Variants in GRIP1 observed in about 807,000 individuals in gnomAD.
GRIP1 encodes the protein glutamate receptor-interacting protein 1.
GRIP1 carries 45 observed loss-of-function variants against 129.9 expected under a neutral mutation model. The observed-to-expected ratio is 0.35, with a 90% confidence interval of 0.27 to 0.44. The LOEUF (loss-of-function observed/expected upper bound fraction) is 0.44. Ranked by LOEUF, GRIP1 falls within the 20% of genes least tolerant of loss-of-function variation. The probability of loss-of-function intolerance (pLI) is 1.00; values close to 1 mark genes in which losing one functional copy is unlikely to be tolerated. For synonymous variants in GRIP1, 530 were observed against 520.8 expected (o/e 1.02, Z -0.24); for missense variants, 1,196 against 1,396.8 (o/e 0.86, Z 2.29).
intron 16 of GRIP1, among the ~76,000 whole-genome samples, chr12:66,401,686 C>T (rs1225327847): frequency 6.8e-6 from 1 of 146,838 alleles, no homozygotes; most frequent in Non-Finnish European, 1.5e-5. Context: ...CTTAAAACAG[C>T]CATGTAAAGT....
At chr12:66,717,886 A>G (rs188617216) in intron 1 of GRIP1, among the ~76,000 whole-genome samples, 1 of 152,156 alleles carries the variant, frequency 6.6e-6, no homozygotes, top group Admixed American at 6.6e-5. Context: ...GGACTACAAG[A>G]TAACAAAATC....
chr12:66,374,398 G>A (rs1367634614), intron 22 of GRIP1, among the ~76,000 whole-genome samples: 1 of 151,966 alleles, frequency 6.6e-6, no homozygotes, highest in Non-Finnish European at 1.5e-5. Flanking sequence ...ACATTGGCCA[G>A]GCTGGTCTCA....
intron 1 of GRIP1, among the ~76,000 whole-genome samples, chr12:66,904,796 G>T (rs1211956053): frequency 1.3e-5 from 2 of 152,040 alleles, no homozygotes; most frequent in East Asian, 3.9e-4. Context: ...GGGGGCTGAG[G>T]CAGGAGAATC....
intron 1 of GRIP1, among the ~76,000 whole-genome samples, chr12:66,803,246 A>T (rs12315589): frequency 0.062 from 9,499 of 152,252 alleles, 1,008 homozygotes; most frequent in African/African-American, 0.22. Flanking sequence ...TTAGCTTTTT[A>T]AAAATGTAGA....
rs1274019672 is a variant in GRIP1, at chr12:66,575,259, C to G, written c.136+21588G>C. Among the ~76,000 whole-genome samples the G allele has an allele frequency of 3.3e-5, 5 of 152,234 alleles. No homozygotes were observed. The South Asian group carries it at 1.0e-3, about 32-fold the overall frequency. On this transcript the variant is annotated intron_variant, in intron 2 of 24. Coordinates refer to ENST00000359742, the MANE Select transcript of GRIP1 (RefSeq NM_001366722.1). ...TCAGATTAGGATGATTCTAAAAATT[C>G]ACCACCTTTTATGAGTAGCAAGCAC...
At chr12:66,546,296 C>G (rs527982201) in intron 2 of GRIP1, among the ~76,000 whole-genome samples, 2 of 151,370 alleles carry the variant, frequency 1.3e-5, no homozygotes, top group African/African-American at 4.8e-5. Flanking sequence ...TCAAGAGCAG[C>G]AACACAGTGA....
chr12:66,897,064 T>C (rs12580112), intron 1 of GRIP1, among the ~76,000 whole-genome samples: 46,784 of 152,016 alleles, frequency 0.31, 8,105 homozygotes, highest in East Asian at 0.41. Context: ...TGCTCCTGGG[T>C]ATGTTGCTTA....
At chr12:66,979,595 T>C (rs73133603) in intron 1 of GRIP1, among the ~76,000 whole-genome samples, 13,337 of 152,204 alleles carry the variant, frequency 0.088, 825 homozygotes, top group Non-Finnish European at 0.13. Flanking sequence ...CACTATGTTA[T>C]GGGTTAAGTT....
intron 1 of GRIP1, among the ~76,000 whole-genome samples, chr12:67,018,262 T>C (rs2042817019): frequency 6.6e-6 from 1 of 152,156 alleles, no homozygotes; most frequent in African/African-American, 2.4e-5. Flanking sequence ...GATCTCCCTC[T>C]CTGCCTCCAG....
rs111228915 is a variant in GRIP1, at chr12:66,742,637, TA to T, written c.-420+61415del. Reference sequence around the variant, plus strand: ...TACACTCATTTACTCAGAAAAATGTTAAAAAAAAAAGTGCATTGCAAAGTTG... The same window carrying T: ...TACACTCATTTACTCAGAAAAATGTTAAAAAAAAAGTGCATTGCAAAGTTG... On this transcript the variant is annotated intron_variant, in intron 1 of 4. Coordinates refer to the GRIP1 transcript ENST00000538373. Among the ~76,000 whole-genome samples the T allele has an allele frequency of 4.8e-3, 708 of 148,252 alleles. 6 individuals carry two copies. The highest frequency in any genetic ancestry group is 0.013 in the African/African-American group (545 of 40,470).
chr12:66,907,395 C>T (rs915289955), intron 1 of GRIP1, among the ~76,000 whole-genome samples: 2 of 152,224 alleles, frequency 1.3e-5, no homozygotes, highest in East Asian at 1.9e-4. Flanking sequence ...GGCCTCTGCT[C>T]ATATGTATTT....
At chr12:66,796,169 A>C (rs2038691665) in intron 1 of GRIP1, among the ~76,000 whole-genome samples, 1 of 152,094 alleles carries the variant, frequency 6.6e-6, no homozygotes, top group Non-Finnish European at 1.5e-5. Context: ...AGTCCTGCAA[A>C]ATAAAGGTTT....
intron 1 of GRIP1, among the ~76,000 whole-genome samples, chr12:66,824,088 A>C (rs2039367334): frequency 6.6e-6 from 1 of 152,210 alleles, no homozygotes; most frequent in Non-Finnish European, 1.5e-5. Flanking sequence ...GTTTAATAGC[A>C]TTAGCAATGA....
intron 1 of GRIP1, among the ~76,000 whole-genome samples, chr12:66,987,220 G>A (rs969844): frequency 0.83 from 126,170 of 152,190 alleles, 52,808 homozygotes; most frequent in African/African-American, 0.93. Flanking sequence ...TGTAAGTTCT[G>A]TGAAGACAAG....
intron 1 of GRIP1, among the ~76,000 whole-genome samples, chr12:66,916,724 T>C (rs1592951047): frequency 6.6e-6 from 1 of 151,268 alleles, no homozygotes; most frequent in Non-Finnish European, 1.5e-5. Flanking sequence ...GGAGGCACAA[T>C]AAGAAAAAAA....
chr12:66,485,862 T>G (rs2138616123), intron 7 of GRIP1, among the ~76,000 whole-genome samples: 1 of 152,236 alleles, frequency 6.6e-6, no homozygotes, highest in South Asian at 2.1e-4. Flanking sequence ...CAGGTGAATA[T>G]ATGTACACAG....
At chr12:66,607,323 T>G (rs756818126) in intron 1 of GRIP1, among the ~76,000 whole-genome samples, 1 of 152,184 alleles carries the variant, frequency 6.6e-6, no homozygotes, top group Non-Finnish European at 1.5e-5. Context: ...TCCAAGCATT[T>G]TAGAAGATGA....
At chr12:66,366,730 C>CT (rs1170216182) in intron 23 of GRIP1, among the ~76,000 whole-genome samples, 1 of 152,160 alleles carries the variant, frequency 6.6e-6, no homozygotes, top group African/African-American at 2.4e-5. Flanking sequence ...GTCACCCAGG[C>CT]TTGAGTGCAC....
chr12:66,615,443 A>G (rs981861643), intron 1 of GRIP1, among the ~76,000 whole-genome samples: 2 of 152,096 alleles, frequency 1.3e-5, no homozygotes, highest in African/African-American at 4.8e-5. Context: ...CTTCAAGTAG[A>G]GCTGGCTGCT....
Sources: allele counts gnomAD v4.1 joint callset (sites outside exome capture counted in the v4.1 genomes callset), GRCh38; gene constraint gnomAD v4.1.1; transcripts MANE v1.5; gene names NCBI Gene and HGNC (gene_info 2026-07-23, HGNC 2026-07-21).